Variants in IHO1 observed in about 807,000 individuals in gnomAD.
IHO1 encodes interactor of HORMAD1 protein 1.
IHO1 carries 13 observed loss-of-function variants against 31.0 expected under a neutral mutation model. The observed-to-expected ratio is 0.42, with a 90% CI of 0.27 to 0.67. The LOEUF is 0.67. IHO1 is among the 30% of genes least tolerant of loss of function. The pLI is 0.24. For missense variants in IHO1, 599 were observed against 687.5 expected (o/e 0.87, Z 1.44); for synonymous variants, 221 against 248.4 (o/e 0.89, Z 1.04).
chr3:49,197,733 G>A (rs1559433292), upstream of IHO1, among the ~76,000 whole-genome samples: 1 of 151,950 alleles, frequency 6.6e-6, no homozygotes, highest in African/African-American at 2.4e-5. Flanking sequence ...AATTAACTGG[G>A]TGTGGTGGCA....
intron 2 of IHO1, among the ~76,000 whole-genome samples, chr3:49,219,384 A>G (rs188519370): frequency 2.6e-5 from 4 of 152,364 alleles, no homozygotes; most frequent in Admixed American, 1.3e-4. Context: ...TGCTGCAGAT[A>G]ACTAGCCAGA....
At chr3:49,197,998 GCTTT>G (rs1226051660), upstream of IHO1, among the ~76,000 whole-genome samples, 6 of 152,012 alleles carry the variant, frequency 3.9e-5, no homozygotes, top group Admixed American at 3.9e-4. Flanking sequence ...CCACACCTCT[GCTTT>G]CTGTCACTAT....
intron 1 of IHO1, among the ~76,000 whole-genome samples, chr3:49,208,014 C>T (rs573424589): frequency 1.6e-4 from 25 of 151,922 alleles, no homozygotes; most frequent in Non-Finnish European, 2.5e-4. Context: ...CCTTTTGATC[C>T]GCCCGCCTCG....
At chr3:49,220,285 A>G (rs549522770) in intron 2 of IHO1, among the ~76,000 whole-genome samples, 1 of 152,122 alleles carries the variant, frequency 6.6e-6, no homozygotes, top group Non-Finnish European at 1.5e-5. Context: ...GGCTCAGGCA[A>G]TTCCCTCATC....
chr3:49,233,665 G>A (rs939767260), intron 2 of IHO1, among the ~76,000 whole-genome samples: 1 of 152,114 alleles, frequency 6.6e-6, no homozygotes, highest in Admixed American at 6.5e-5. Context: ...TGCTTTTATC[G>A]TTTTGCAAAA....
At chr3:49,232,791 T>C (rs903141956) in intron 2 of IHO1, among the ~76,000 whole-genome samples, 4 of 152,226 alleles carry the variant, frequency 2.6e-5, no homozygotes, top group Admixed American at 6.5e-5. Flanking sequence ...ATGATAGCGG[T>C]GATCACCATT....
upstream of IHO1, among the ~76,000 whole-genome samples, chr3:49,195,839 C>T (rs958069112): frequency 2.0e-5 from 3 of 150,574 alleles, no homozygotes; most frequent in African/African-American, 4.9e-5. Context: ...CGGTGGCTAA[C>T]GCCTGTAATC....
At chr3:49,238,123 T>C (rs958363137) in intron 3 of IHO1, among the ~76,000 whole-genome samples, 3 of 151,954 alleles carry the variant, frequency 2.0e-5, no homozygotes, top group Admixed American at 6.6e-5. Context: ...GGGCTAGTCT[T>C]GAGCTCCTAA....
chr3:49,211,992 C>T (rs1288745121), intron 2 of IHO1, among the ~76,000 whole-genome samples, 156 bp downstream of exon 2: 3 of 151,598 alleles, frequency 2.0e-5, no homozygotes, highest in African/African-American at 7.3e-5. Flanking sequence ...GAAACCCCGT[C>T]TCTACTAAAA....
At chr3:49,200,583 G>A in intron 1 of IHO1, 2 of 984,844 alleles carry the variant, frequency 2.0e-6, no homozygotes, top group Non-Finnish European at 2.4e-6. Flanking sequence ...TGCCAATCGG[G>A]GCGGTCCTCT....
chr3:49,201,619 T>C (rs2046070674), intron 1 of IHO1, among the ~76,000 whole-genome samples: 1 of 150,036 alleles, frequency 6.7e-6, no homozygotes. Context: ...CGAGACTGCA[T>C]CCCAAAAAAA....
intron 2 of IHO1, among the ~76,000 whole-genome samples, chr3:49,231,662 A>G (rs2046483271): frequency 6.6e-6 from 1 of 152,256 alleles, no homozygotes; most frequent in Admixed American, 6.5e-5. Flanking sequence ...AGTTAGGAGT[A>G]GAATGCACCC....
chr3:49,217,377 C>G (rs1339190343), intron 2 of IHO1, among the ~76,000 whole-genome samples: 1 of 151,726 alleles, frequency 6.6e-6, no homozygotes, highest in East Asian at 1.9e-4. Context: ...TCTAAGCAAA[C>G]TATCACAAGG....
At chr3:49,212,823 T>C (rs2046239529) in intron 2 of IHO1, among the ~76,000 whole-genome samples, 1 of 152,112 alleles carries the variant, frequency 6.6e-6, no homozygotes, top group Admixed American at 6.6e-5. Flanking sequence ...GGAGCAAGAT[T>C]TATTGCAAAG....
chr3:49,255,507 C>A lies in IHO1; in HGVS notation c.636+14C>A. The A allele has an allele frequency of 6.5e-7, 1 of 1,543,288 alleles. No individual in the cohort carries two copies. Among genetic ancestry groups the A allele is most frequent in the Non-Finnish European group, 8.8e-7 (1 of 1,140,520 alleles). On this transcript the variant is annotated intron_variant, in intron 7 of 7. Transcript: ENST00000452691. ...AGATTTGAAGCTGTAAGTGTAAACCCCAACCTCTTTCTAAGTGTGTTTTGG... is the reference window on the plus strand; with the variant it reads ...AGATTTGAAGCTGTAAGTGTAAACCACAACCTCTTTCTAAGTGTGTTTTGG...
At chr3:49,199,987 T>C (rs995207523) in intron 1 of IHO1, 2 of 152,152 alleles carry the variant, frequency 1.3e-5, no homozygotes, top group Admixed American at 6.5e-5. Context: ...GGATTTAGTC[T>C]AGGAGCTCAG....
chr3:49,236,689 A>G lies in IHO1; in HGVS notation c.198A>G (p.Arg66=), dbSNP rs771841938. 1 of 1,613,986 alleles carries G rather than the reference A, an allele frequency of 6.2e-7. No homozygotes were observed. Among genetic ancestry groups the G allele is most frequent in the Non-Finnish European group, 8.5e-7 (1 of 1,179,974 alleles). ...SAPLDFGAHL[R]HSKQSQQNYL... ...CCTTGGACTTTGGTGCCCACTTGAG[A>G]CATTCAAAACAGTCACAACAGAACT... Residue 66 remains arginine (R), a synonymous_variant, in exon 3 of 8, where the codon AGA becomes AGG. Coordinates refer to ENST00000452691, the MANE Select transcript of IHO1 (RefSeq NM_001135197.2).
intron 5 of IHO1, 31 bp downstream of exon 5, chr3:49,244,483 A>G (rs2046671523): frequency 6.8e-7 from 1 of 1,459,878 alleles, no homozygotes; most frequent in Non-Finnish European, 9.4e-7. Context: ...AGGAGTTAGA[A>G]CATCTTATAT....
At chr3:49,200,254 C>CA (rs2046035756) in intron 1 of IHO1, among the ~76,000 whole-genome samples, 1 of 151,938 alleles carries the variant, frequency 6.6e-6, no homozygotes, top group South Asian at 2.1e-4. Context: ...CTCCTGAGGT[C>CA]AGGAGCTCGA....
Sources: gnomAD v4.1 joint callset for allele counts (sites outside exome capture counted in the v4.1 genomes callset) on GRCh38, gnomAD v4.1.1 for gene constraint, MANE v1.5 for transcripts, NCBI Gene and HGNC (gene_info 2026-07-23, HGNC 2026-07-21) for gene names.